Variants in TMEM108 observed in about 807,000 individuals in gnomAD.
The protein encoded by TMEM108 is transmembrane protein 108, also known as cancer/testis antigen 124.
Under a neutral mutation model 35.1 loss-of-function variants are expected in TMEM108, and 12 were observed. The ratio of observed to expected loss-of-function variants is 0.34; its 90% CI spans 0.22 to 0.55. TMEM108 has a LOEUF of 0.55. TMEM108 is among the 20% of genes least tolerant of loss of function. The probability of loss-of-function intolerance (pLI) is 0.89; values close to 1 mark genes in which losing one functional copy is unlikely to be tolerated. For synonymous variants in TMEM108, 287 were observed against 308.6 expected (o/e 0.93, Z 0.73); for missense variants, 680 against 753.3 (o/e 0.90, Z 1.14).
intron 2 of TMEM108, among the ~76,000 whole-genome samples, chr3:133,157,722 T>C (rs1312730110): frequency 1.3e-5 from 2 of 152,214 alleles, no homozygotes; most frequent in Admixed American, 6.5e-5. Flanking sequence ...TAAACTCTTA[T>C]CTGCATTAAA....
At chr3:133,340,617 AC>A (rs1474280768) in intron 3 of TMEM108, among the ~76,000 whole-genome samples, 2 of 151,720 alleles carry the variant, frequency 1.3e-5, no homozygotes, top group African/African-American at 4.8e-5. Context: ...TCAAAAAAAA[AC>A]AAACAAAAAA....
intron 3 of TMEM108, among the ~76,000 whole-genome samples, chr3:133,305,670 T>C (rs534174728): frequency 6.6e-6 from 1 of 152,206 alleles, no homozygotes; most frequent in East Asian, 1.9e-4. Flanking sequence ...TGACAAATTG[T>C]TTTCCAAAGT....
At chr3:133,170,828 G>A (rs1163778771) in intron 2 of TMEM108, among the ~76,000 whole-genome samples, 1 of 152,122 alleles carries the variant, frequency 6.6e-6, no homozygotes, top group Non-Finnish European at 1.5e-5. Flanking sequence ...TTGCTGAATT[G>A]TGGAGGTTTA....
At chr3:133,215,540 T>C (rs183287787) in intron 2 of TMEM108, among the ~76,000 whole-genome samples, 76 of 152,294 alleles carry the variant, frequency 5.0e-4, no homozygotes, top group African/African-American at 1.7e-3. Context: ...ATGAAAGCAT[T>C]GCAAGTATTT....
At chr3:133,370,119 C>T (rs1262404060) in intron 3 of TMEM108, among the ~76,000 whole-genome samples, 2 of 148,198 alleles carry the variant, frequency 1.3e-5, no homozygotes, top group Non-Finnish European at 3.0e-5. Context: ...TTATTATTAA[C>T]TGAAGTAGCA....
intron 2 of TMEM108, among the ~76,000 whole-genome samples, chr3:133,179,836 T>C (rs963647947): frequency 1.3e-5 from 2 of 151,304 alleles, no homozygotes; most frequent in African/African-American, 4.9e-5. Context: ...AAATGGCCCT[T>C]CTTAGAAGAC....
chr3:133,310,100 T>G (rs2071104595), intron 3 of TMEM108, among the ~76,000 whole-genome samples: 1 of 152,176 alleles, frequency 6.6e-6, no homozygotes, highest in South Asian at 2.1e-4. Flanking sequence ...GAGGAGTTCT[T>G]TTATATTTGC....
intron 2 of TMEM108, among the ~76,000 whole-genome samples, chr3:133,157,519 C>G (rs980308409): frequency 4.6e-5 from 7 of 152,132 alleles, no homozygotes; most frequent in African/African-American, 1.7e-4. Context: ...TAAACTCTTG[C>G]TCAGATTTTA....
At chr3:133,094,208 C>G (rs865952968) in intron 2 of TMEM108, among the ~76,000 whole-genome samples, 3 of 138,188 alleles carry the variant, frequency 2.2e-5, no homozygotes, top group Admixed American at 7.5e-5. Flanking sequence ...TCTTTCTCCC[C>G]TTCCCACCTC....
chr3:133,057,434 T>C (rs539930478), intron 2 of TMEM108, among the ~76,000 whole-genome samples: 3 of 19,078 alleles, frequency 1.6e-4, no homozygotes, highest in African/African-American at 5.1e-4. Context: ...TGTGTGTGTG[T>C]GTATATATAT....
At chr3:133,135,157 G>GTTT (rs77437437) in intron 2 of TMEM108, among the ~76,000 whole-genome samples, 4 of 142,684 alleles carry the variant, frequency 2.8e-5, no homozygotes, top group Admixed American at 7.0e-5. Context: ...ATCTGCTATC[G>GTTT]TTTTTTTTTT....
chr3:133,205,577 G>A (rs931474563), intron 2 of TMEM108, among the ~76,000 whole-genome samples: 1 of 152,146 alleles, frequency 6.6e-6, no homozygotes, highest in Admixed American at 6.6e-5. Context: ...TAGTTTGGCT[G>A]GATATGAAAT....
intron 2 of TMEM108, among the ~76,000 whole-genome samples, chr3:133,094,868 A>T (rs1943993670): frequency 1.3e-5 from 2 of 152,130 alleles, no homozygotes; most frequent in South Asian, 4.1e-4. Flanking sequence ...TGTGGATACA[A>T]ATATTTCCTC....
chr3:133,262,212 A>T (rs899589741), intron 3 of TMEM108, among the ~76,000 whole-genome samples: 1 of 152,022 alleles, frequency 6.6e-6, no homozygotes, highest in Non-Finnish European at 1.5e-5. Flanking sequence ...CTAAATTCTC[A>T]CTGGTATTTT....
rs138335008 is a variant in TMEM108, at chr3:133,342,555, T to TAC, written c.41-37183_41-37182dup. The stretch of plus-strand genomic sequence containing the variant: ...AAAAAGAAAATGTGGTATATATATA[T>TAC]ACACACACACACACAATGGAGTACT... On this transcript the variant is annotated intron_variant, in intron 3 of 5. Coordinates refer to ENST00000321871, the MANE Select transcript of TMEM108 (RefSeq NM_023943.4). Among the ~76,000 whole-genome samples, 125 of 63,162 alleles carry TAC rather than the reference T, an allele frequency of 2.0e-3. 4 individuals carry two copies. Among genetic ancestry groups the TAC allele is most frequent in the African/African-American group, 2.5e-3 (48 of 19,250 alleles). The allele number at this position is 63,162 out of a possible 152,430, so 41.4% of individuals were successfully genotyped here.
At chr3:133,175,737 A>C (rs148587015) in intron 2 of TMEM108, among the ~76,000 whole-genome samples, 23 of 140,152 alleles carry the variant, frequency 1.6e-4, no homozygotes, top group Non-Finnish European at 7.9e-5. Context: ...TGTAAAGACC[A>C]TCAATGCTAG....
intron 3 of TMEM108, among the ~76,000 whole-genome samples, chr3:133,251,042 T>C (rs1004037520): frequency 3.3e-5 from 5 of 152,194 alleles, no homozygotes; most frequent in African/African-American, 1.2e-4. Context: ...TTTTGACTCA[T>C]ATAGCTTTGC....
At chr3:133,242,184 A>AT (rs2107661410) in intron 3 of TMEM108, among the ~76,000 whole-genome samples, 1 of 152,276 alleles carries the variant, frequency 6.6e-6, no homozygotes, top group Admixed American at 6.5e-5. Flanking sequence ...TGCAAAGACC[A>AT]TTTTTCCCAG....
intron 3 of TMEM108, among the ~76,000 whole-genome samples, chr3:133,258,725 G>A (rs935357233): frequency 1.3e-5 from 2 of 152,178 alleles, no homozygotes; most frequent in African/African-American, 2.4e-5. Context: ...TTTGCATGAA[G>A]CAAAAGGAAC....
Sources: gnomAD v4.1 joint callset for allele counts (sites outside exome capture counted in the v4.1 genomes callset) on GRCh38, gnomAD v4.1.1 for gene constraint, MANE v1.5 for transcripts, NCBI Gene and HGNC (gene_info 2026-07-23, HGNC 2026-07-21) for gene names.